The following CHRM3 variants were observed in gnomAD, a reference collection of about 807,000 sequenced individuals.
CHRM3 encodes the protein cholinergic receptor muscarinic 3.
Under a neutral mutation model 41.8 loss-of-function variants are expected in CHRM3, and 11 were observed. The observed-to-expected ratio is 0.26, with a 90% CI of 0.17 to 0.44. The LOEUF is 0.44. Among genes scored for constraint, CHRM3 ranks in the 20% least tolerant of loss-of-function variants. The pLI, the probability that CHRM3 is intolerant of heterozygous loss-of-function variation, is 1.00. For synonymous variants in CHRM3, 297 were observed against 301.4 expected (o/e 0.99, Z 0.15); for missense variants, 571 against 745.4 (o/e 0.77, Z 2.72).
chr1:239,678,156 A>T (rs1457364797), intron 4 of CHRM3, 30 bp from the exon 5 acceptor site: 1 of 152,158 alleles, frequency 6.6e-6, no homozygotes, highest in Non-Finnish European at 1.5e-5. Flanking sequence ...ATCTTATTTT[A>T]AACTTACCCC....
intron 2 of CHRM3, among the ~76,000 whole-genome samples, chr1:239,523,818 T>G (rs2148282969): frequency 6.6e-6 from 1 of 152,310 alleles, no homozygotes; most frequent in South Asian, 2.1e-4. Context: ...TGGCATCAAG[T>G]AAAACGTTTT....
intron 3 of CHRM3, chr1:239,629,637 A>G (rs1669572512): frequency 6.6e-6 from 1 of 152,222 alleles, no homozygotes; most frequent in Non-Finnish European, 1.5e-5. Flanking sequence ...AAACCAAAAA[A>G]TGTTTGTGAC....
intron 4 of CHRM3, among the ~76,000 whole-genome samples, chr1:239,669,780 T>G (rs917069904): frequency 6.6e-6 from 1 of 152,160 alleles, no homozygotes; most frequent in Non-Finnish European, 1.5e-5. Flanking sequence ...TTAAAAAAGG[T>G]TTTGAATAGA....
intron 5 of CHRM3, among the ~76,000 whole-genome samples, chr1:239,783,718 T>C (rs1191685482): frequency 1.3e-5 from 2 of 152,176 alleles, no homozygotes; most frequent in Non-Finnish European, 2.9e-5. Context: ...TTCTTTCAAC[T>C]TTTATTTTAG....
At chr1:239,847,082 TC>T (rs963078700) in intron 6 of CHRM3, among the ~76,000 whole-genome samples, 2 of 152,198 alleles carry the variant, frequency 1.3e-5, no homozygotes, top group Non-Finnish European at 2.9e-5. Flanking sequence ...TAGAATTTGA[TC>T]CACATTGTTA....
chr1:239,452,353 C>T (rs1426336424), intron 1 of CHRM3, among the ~76,000 whole-genome samples: 1 of 152,158 alleles, frequency 6.6e-6, no homozygotes, highest in African/African-American at 2.4e-5. Flanking sequence ...CAATAAGTGG[C>T]TGGTGACAGC....
chr1:239,414,745 T>C (rs1661364589), intron 1 of CHRM3, among the ~76,000 whole-genome samples: 1 of 152,206 alleles, frequency 6.6e-6, no homozygotes, highest in African/African-American at 2.4e-5. Context: ...CTTAGGAGCT[T>C]CTGGCCTTAA....
intron 6 of CHRM3, among the ~76,000 whole-genome samples, chr1:239,870,965 C>T (rs1295532522): frequency 6.6e-6 from 1 of 152,088 alleles, no homozygotes; most frequent in African/African-American, 2.4e-5. Context: ...CTTTACTTCT[C>T]CTGGCGTCAC....
chr1:239,664,708 A>G (rs1450409902), intron 4 of CHRM3, among the ~76,000 whole-genome samples: 4 of 151,726 alleles, frequency 2.6e-5, no homozygotes, highest in Admixed American at 6.6e-5. Context: ...GTCCTCCCCT[A>G]TGATCTCATG....
chr1:239,565,956 C>CCAATCTGG, intron 3 of CHRM3, among the ~76,000 whole-genome samples: 1 of 148,540 alleles, frequency 6.7e-6, no homozygotes. Context: ...ACTCAGTTGC[C>CCAATCTGG]CAATCTGGAG....
intron 4 of CHRM3, among the ~76,000 whole-genome samples, chr1:239,639,872 C>A (rs1173819329): frequency 6.9e-6 from 1 of 144,726 alleles, no homozygotes; most frequent in Non-Finnish European, 1.5e-5. Flanking sequence ...CCAGTTTTTG[C>A]CCATTCAGTA....
At chr1:239,661,555 G>A (rs982590364) in intron 4 of CHRM3, among the ~76,000 whole-genome samples, 2 of 152,146 alleles carry the variant, frequency 1.3e-5, no homozygotes, top group East Asian at 3.9e-4. Flanking sequence ...AAAGGAGCCA[G>A]GCTTAAAAGG....
intron 5 of CHRM3, among the ~76,000 whole-genome samples, chr1:239,733,857 C>T (rs950793774): frequency 6.6e-6 from 1 of 151,982 alleles, no homozygotes; most frequent in African/African-American, 2.4e-5. Flanking sequence ...CTTTTATGTA[C>T]CTTATTTAAT....
rs566788835 is a variant in CHRM3, at chr1:239,781,973, C to T, written c.-146-45279C>T. On this transcript the variant is annotated intron_variant, in intron 5 of 6. Transcript: ENST00000676153. ...ATATTTGGGATAAATTTCACTTGGT[C>T]GTATTGTATATTCCTTTTATGTATT... Among the ~76,000 whole-genome samples, 4 of 152,074 alleles carry T rather than the reference C, an allele frequency of 2.6e-5. No individual in the cohort carries two copies. The South Asian group carries it at 6.2e-4, about 24-fold the overall frequency.
chr1:239,532,504 A>G (rs1483468969), intron 2 of CHRM3, among the ~76,000 whole-genome samples: 2 of 150,926 alleles, frequency 1.3e-5, no homozygotes, highest in Non-Finnish European at 3.0e-5. Flanking sequence ...GTGTGCCTGT[A>G]GTCCCAGCTA....
At chr1:239,773,243 C>G in intron 5 of CHRM3, among the ~76,000 whole-genome samples, 1 of 152,122 alleles carries the variant, frequency 6.6e-6, no homozygotes, top group East Asian at 1.9e-4. Flanking sequence ...TCAGCATCTT[C>G]TAAGTAACCA....
At chr1:239,467,907 C>G (rs944477370) in intron 1 of CHRM3, among the ~76,000 whole-genome samples, 6 of 152,174 alleles carry the variant, frequency 3.9e-5, no homozygotes, top group Middle Eastern at 3.4e-3. Flanking sequence ...CTACCCCCCC[C>G]CAACGTTATT....
In CHRM3 at chr1:239,387,936, A is replaced by G. The variant is rs1658674227; in HGVS notation, c.-521+709A>G. Among the ~76,000 whole-genome samples, 1 of 152,060 alleles carries G rather than the reference A, an allele frequency of 6.6e-6. No individual in the cohort carries two copies. The highest frequency in any genetic ancestry group is 1.5e-5 in the Non-Finnish European group (1 of 68,028). ...CCTCTTTGGAACACTTCCTCAGCATAGCCTCCTAATAGCGAGGTTAATTTT... is the reference window on the plus strand; with the variant it reads ...CCTCTTTGGAACACTTCCTCAGCATGGCCTCCTAATAGCGAGGTTAATTTT... On this transcript the variant is annotated intron_variant, in intron 1 of 6. Transcript: ENST00000676153. The surrounding 1 kb of genome is among the most constrained non-coding windows in gnomAD (Gnocchi z 5.1).
At chr1:239,612,757 A>T (rs1667210745) in intron 3 of CHRM3, among the ~76,000 whole-genome samples, 1 of 152,140 alleles carries the variant, frequency 6.6e-6, no homozygotes, top group East Asian at 1.9e-4. Flanking sequence ...GTCCTTCTGA[A>T]GTGAGGTGGG....
Sources: allele counts gnomAD v4.1 joint callset (sites outside exome capture counted in the v4.1 genomes callset), GRCh38; gene constraint gnomAD v4.1.1; non-coding constraint Gnocchi (gnomAD v3.1); transcripts MANE v1.5; gene names NCBI Gene and HGNC (gene_info 2026-07-23, HGNC 2026-07-21).